The following CEP57L1 variants were observed in gnomAD, a reference collection of about 807,000 sequenced individuals.
CEP57L1 encodes the protein centrosomal protein 57 like 1, also known as centrosomal protein CEP57L1.
In CEP57L1, 37 loss-of-function variants were observed where a neutral mutation model predicts 61.0. The observed-to-expected ratio is 0.61, with a 90% confidence interval of 0.47 to 0.80. The LOEUF (loss-of-function observed/expected upper bound fraction) is 0.80. Ranked by LOEUF, CEP57L1 falls within the 30% of genes least tolerant of loss-of-function variation. The pLI, the probability that CEP57L1 is intolerant of heterozygous loss-of-function variation, is 0.00. For synonymous variants in CEP57L1, 137 were observed against 162.3 expected, an observed-to-expected ratio of 0.84 and a Z score of 1.19; for missense variants, 422 against 524.7, an observed-to-expected ratio of 0.80 and a Z score of 1.91.
At chr6:109,129,648 T>C (rs1302250628) in intron 1 of CEP57L1, among the ~76,000 whole-genome samples, 2 of 152,174 alleles carry the variant, frequency 1.3e-5, no homozygotes, top group East Asian at 1.9e-4. Context: ...GAGGATCCTA[T>C]TGGGTAAAAT....
upstream of CEP57L1, chr6:109,095,246 G>A: frequency 2.0e-6 from 2 of 985,548 alleles, no homozygotes; most frequent in Non-Finnish European, 2.4e-6. Context: ...GAAGGGGAAG[G>A]AAAAAGTAAG....
chr6:109,150,056 C>A (rs1197760503), intron 3 of CEP57L1, 62 bp from the exon 4 acceptor site: 6 of 993,160 alleles, frequency 6.0e-6, no homozygotes, highest in Admixed American at 1.9e-5. Context: ...ACAATCATGT[C>A]ATCTGCAAAC....
chr6:109,136,306 A>G (rs1354232477), intron 1 of CEP57L1, among the ~76,000 whole-genome samples: 2 of 152,194 alleles, frequency 1.3e-5, no homozygotes, highest in Non-Finnish European at 2.9e-5. Context: ...TCAGCAAACT[A>G]TCGCAAGGAC....
chr6:109,143,125 A>G (rs986033900), intron 1 of CEP57L1, among the ~76,000 whole-genome samples: 1 of 152,128 alleles, frequency 6.6e-6, no homozygotes, highest in African/African-American at 2.4e-5. Flanking sequence ...TTGATATTTT[A>G]TAGAGATATT....
intron 1 of CEP57L1, among the ~76,000 whole-genome samples, chr6:109,123,437 A>T (rs1773204177): frequency 6.6e-6 from 1 of 152,184 alleles, no homozygotes; most frequent in Non-Finnish European, 1.5e-5. Context: ...ATGTAAAAAG[A>T]AGTTAATACC....
chr6:109,138,118 G>C (rs148655877), intron 1 of CEP57L1, among the ~76,000 whole-genome samples: 1 of 152,320 alleles, frequency 6.6e-6, no homozygotes, highest in Non-Finnish European at 1.5e-5. Context: ...CTGAAGGAGA[G>C]TCAGAGTTGG....
At position 109,121,433 on chromosome 6, in the gene CEP57L1, AT is replaced by A. The variant is rs531832248; in HGVS notation, c.-3-23777del. On this transcript the variant is annotated intron_variant, in intron 1 of 10. Coordinates refer to ENST00000517392, the MANE Select transcript of CEP57L1 (RefSeq NM_001271852.3). ...GGAAAATTACAGAAGTTCTTAAATAATTTTTTTTTCACTGTGGCATTGTTAA... is the reference window on the plus strand; with the variant it reads ...GGAAAATTACAGAAGTTCTTAAATAATTTTTTTTCACTGTGGCATTGTTAA... Among the ~76,000 whole-genome samples the A allele has an allele frequency of 3.0e-3, 457 of 151,488 alleles. 2 individuals are homozygous for A. The highest frequency in any genetic ancestry group is 0.01 in the African/African-American group (422 of 41,284).
intron 1 of CEP57L1, among the ~76,000 whole-genome samples, chr6:109,122,301 G>A (rs1314228937): frequency 9.2e-5 from 14 of 152,154 alleles, no homozygotes. Flanking sequence ...CTTCTATCTT[G>A]TGTACAGATG....
intron 1 of CEP57L1, among the ~76,000 whole-genome samples, chr6:109,108,572 A>C (rs6918970): frequency 0.034 from 5,167 of 152,204 alleles, 165 homozygotes; most frequent in African/African-American, 0.076. Context: ...CTGTTCAAAA[A>C]GGGGTAGATG....
At chr6:109,158,903 T>C (rs1013766777) in intron 7 of CEP57L1, 122 bp from the exon 8 acceptor site, 3 of 871,710 alleles carry the variant, frequency 3.4e-6, no homozygotes, top group African/African-American at 3.4e-5. Flanking sequence ...GTGAAATTTC[T>C]GTCCATGTCT....
intron 7 of CEP57L1, chr6:109,156,878 T>A (rs1256710404): frequency 6.6e-6 from 1 of 152,176 alleles, no homozygotes; most frequent in African/African-American, 2.4e-5. Flanking sequence ...CCAATATGAC[T>A]TATTTTGGCT....
At chr6:109,152,478 C>T (rs1479872875) in intron 4 of CEP57L1, among the ~76,000 whole-genome samples, 4 of 152,128 alleles carry the variant, frequency 2.6e-5, no homozygotes, top group Admixed American at 6.5e-5. Flanking sequence ...CCACCACGCC[C>T]GGCCTAGACT....
intron 1 of CEP57L1, among the ~76,000 whole-genome samples, chr6:109,115,364 CTAG>C (rs1772148510): frequency 6.6e-6 from 1 of 151,744 alleles, no homozygotes; most frequent in African/African-American, 2.4e-5. Context: ...GAAAACAATT[CTAG>C]TAGTTGTAAT....
intron 2 of CEP57L1, 88 bp downstream of exon 2, chr6:109,145,469 T>C: frequency 1.1e-6 from 1 of 900,368 alleles, no homozygotes; most frequent in Non-Finnish European, 1.6e-6. Flanking sequence ...GATTGCATAT[T>C]TAATCTTAAC....
At position 109,166,840 on chromosome 6, in the gene CEP57L1, T is replaced by C. The variant is rs1351242550; in HGVS notation, c.*3870T>C. Among the ~76,000 whole-genome samples the C allele has an allele frequency of 6.6e-6, 1 of 152,182 alleles. No individual in the cohort carries two copies. The highest frequency in any genetic ancestry group is 6.5e-5 in the Admixed American group (1 of 15,280). ...AATGCAACAGCTGCCATTATTGGTG[T>C]AGAGTAAATAATGAAACTCCTAATG... On this transcript the variant is annotated 3_prime_UTR_variant, in exon 11 of 11. Transcript: ENST00000517392.
intron 1 of CEP57L1, among the ~76,000 whole-genome samples, chr6:109,135,329 A>C (rs909323201): frequency 3.9e-4 from 59 of 152,322 alleles, no homozygotes; most frequent in Non-Finnish European, 5.7e-4. Flanking sequence ...TTCCCTATTT[A>C]ATAAATGGTG....
chr6:109,152,677 G>A (rs1251794185), intron 4 of CEP57L1, among the ~76,000 whole-genome samples: 1 of 113,488 alleles, frequency 8.8e-6, no homozygotes, highest in African/African-American at 3.4e-5. Flanking sequence ...GTGTGTGTGT[G>A]TGTATAACTT....
intron 4 of CEP57L1, among the ~76,000 whole-genome samples, chr6:109,150,449 T>C (rs1772482978): frequency 6.6e-6 from 1 of 151,772 alleles, no homozygotes; most frequent in African/African-American, 2.4e-5. Context: ...CAAAATGTAT[T>C]AAAAAGTAAA....
At chr6:109,095,163 A>G, upstream of CEP57L1, 1 of 985,506 alleles carries the variant, frequency 1.0e-6, no homozygotes, top group Non-Finnish European at 1.2e-6. Flanking sequence ...GAACTGGGCC[A>G]AGCGCCCCCG....
Sources: gnomAD v4.1 joint callset for allele counts (sites outside exome capture counted in the v4.1 genomes callset) on GRCh38, gnomAD v4.1.1 for gene constraint, MANE v1.5 for transcripts, NCBI Gene and HGNC (gene_info 2026-07-23, HGNC 2026-07-21) for gene names.